Variants in DZIP1 observed in about 807,000 individuals in gnomAD.
DZIP1 encodes cilium assembly protein DZIP1.
In DZIP1, 97 loss-of-function variants were observed where a neutral mutation model predicts 107.6. The ratio of observed to expected loss-of-function variants is 0.90; its 90% confidence interval spans 0.77 to 1.07. The LOEUF is 1.07. Among genes scored for constraint, DZIP1 ranks in the 50% least tolerant of loss-of-function variants. DZIP1 has a pLI of 0.00. For synonymous variants in DZIP1, 390 were observed against 386.4 expected (o/e 1.01, Z -0.11); for missense variants, 1,035 against 1,063.6 (o/e 0.97, Z 0.37).
In DZIP1 at chr13:95,580,860, A is replaced by C. The variant is rs1311964677; in HGVS notation, c.*1374T>G. ...ATTCAGCCTTCACTAAAGCTTTTAG[A>C]AACATACATATAAAGTGAGTATATC... On this transcript the variant is annotated 3_prime_UTR_variant, in exon 23 of 23. Transcript: ENST00000376829. The C allele has an allele frequency of 6.6e-6, 1 of 152,214 alleles. No individual in the cohort carries two copies. Among genetic ancestry groups the C allele is most frequent in the Non-Finnish European group, 1.5e-5 (1 of 68,036 alleles). The allele number at this position is 152,214 out of a possible 1,614,324, so 9.4% of individuals were successfully genotyped here.
At chr13:95,628,869 G>A (rs145045056) in intron 7 of DZIP1, among the ~76,000 whole-genome samples, 2 of 152,160 alleles carry the variant, frequency 1.3e-5, no homozygotes, top group Non-Finnish European at 2.9e-5. Flanking sequence ...TGGAAGGAGG[G>A]GGGAGTGGAG....
At chr13:95,608,511 G>A (rs1347349729) in intron 13 of DZIP1, among the ~76,000 whole-genome samples, 1 of 148,954 alleles carries the variant, frequency 6.7e-6, no homozygotes, top group Non-Finnish European at 1.5e-5. Context: ...GCTGAAGATT[G>A]TTTGTTTGTT....
intron 14 of DZIP1, among the ~76,000 whole-genome samples, chr13:95,603,987 G>T (rs1397337113): frequency 1.3e-5 from 2 of 152,320 alleles, no homozygotes; most frequent in Non-Finnish European, 2.9e-5. Flanking sequence ...TGACAAATCA[G>T]TGCAAGGGGC....
At position 95,622,421 on chromosome 13, in the gene DZIP1, T is replaced by G. The variant is rs1427218871; in HGVS notation, c.1032A>C (p.Lys344Asn). 1 of 1,614,234 alleles carries G rather than the reference T, an allele frequency of 6.2e-7. No individual in the cohort carries two copies. Among genetic ancestry groups the G allele is most frequent in the East Asian group, 2.2e-5 (1 of 44,896 alleles). Residue 344 changes from lysine to asparagine, a missense_variant, in exon 9 of 23, where the codon AAA (lysine) becomes AAC (asparagine). By Grantham distance (94) the Lys-to-Asn change is moderately conservative. Coordinates refer to ENST00000376829, the MANE Select transcript of DZIP1 (RefSeq NM_198968.4). ...GGTCTTCTTTAAACTCGTGTGCATC[T>G]TTTAATGTGCCTATGTTGGACTTGA... ...MQIKSNIGTL[K>N]DAHEFKEDRS...
rs2044829423 is a variant in DZIP1, at chr13:95,607,750, G to A, written c.1421-1691C>T. Among the ~76,000 whole-genome samples, 3 of 152,032 alleles carry A rather than the reference G, an allele frequency of 2.0e-5. No homozygotes were observed. The South Asian group carries it at 6.2e-4, about 32-fold the overall frequency. ...AGCTTACAGAATCAAAAGATCTGAT[G>A]CTATTAAAATTGATCACAATTTGGT... On this transcript the variant is annotated intron_variant, in intron 13 of 22. Coordinates refer to ENST00000376829, the MANE Select transcript of DZIP1 (RefSeq NM_198968.4).
intron 9 of DZIP1, among the ~76,000 whole-genome samples, chr13:95,621,716 A>G (rs200820578): frequency 3.0e-3 from 184 of 60,746 alleles, no homozygotes; most frequent in South Asian, 5.3e-3. Context: ...GTGTGTGTGT[A>G]TTTATTTATT....
intron 10 of DZIP1, among the ~76,000 whole-genome samples, chr13:95,612,672 C>A (rs754523251): frequency 1.3e-5 from 2 of 152,052 alleles, no homozygotes; most frequent in Non-Finnish European, 2.9e-5. Flanking sequence ...GCAGCCTCTG[C>A]CTCCTGGCTT....
At chr13:95,591,638 C>A (rs1450156956) in intron 16 of DZIP1, among the ~76,000 whole-genome samples, 2 of 152,168 alleles carry the variant, frequency 1.3e-5, no homozygotes, top group African/African-American at 4.8e-5. Flanking sequence ...CCCTCCTCTA[C>A]TTTTCCTTTA....
At chr13:95,619,633 A>G (rs2139227593) in intron 10 of DZIP1, among the ~76,000 whole-genome samples, 1 of 152,258 alleles carries the variant, frequency 6.6e-6, no homozygotes, top group East Asian at 1.9e-4. Context: ...AATGGGAACA[A>G]CTTGACCAAA....
At chr13:95,600,908 A>T (rs969693746) in intron 14 of DZIP1, among the ~76,000 whole-genome samples, 1 of 152,198 alleles carries the variant, frequency 6.6e-6, no homozygotes, top group African/African-American at 2.4e-5. Context: ...CAAGATTTTT[A>T]AAAATTATAC....
In DZIP1 at chr13:95,581,497, A is replaced by G. The variant is rs2044012497; in HGVS notation, c.*737T>C. The G allele has an allele frequency of 6.6e-6, 1 of 152,258 alleles. No homozygotes were observed. Among genetic ancestry groups the G allele is most frequent in the South Asian group, 2.1e-4 (1 of 4,832 alleles). The allele number at this position is 152,258 out of a possible 1,614,324, so 9.4% of individuals were successfully genotyped here. ...AAATAACCAACCATTTAATAGTAAC[A>G]TGCTTACAGTGGCTCAAAGCTGAAT... On this transcript the variant is annotated 3_prime_UTR_variant, in exon 23 of 23. Transcript: ENST00000376829.
At chr13:95,637,968 C>T (rs1333295079) in intron 5 of DZIP1, among the ~76,000 whole-genome samples, 4 of 151,610 alleles carry the variant, frequency 2.6e-5, no homozygotes, top group African/African-American at 4.9e-5. Flanking sequence ...AGGATATAGT[C>T]AAACAGATTT....
intron 6 of DZIP1, among the ~76,000 whole-genome samples, chr13:95,631,177 C>T (rs912249142): frequency 3.9e-5 from 6 of 152,122 alleles, no homozygotes; most frequent in African/African-American, 1.2e-4. Context: ...AGAATGAGGT[C>T]GGGCACAGTG....
chr13:95,638,630 A>G (rs968869013), intron 5 of DZIP1, among the ~76,000 whole-genome samples: 2 of 109,396 alleles, frequency 1.8e-5, no homozygotes, highest in Non-Finnish European at 4.0e-5. Flanking sequence ...TACCCCCCTT[A>G]TACACAACAC....
At position 95,630,788 on chromosome 13, in the gene DZIP1, T is replaced by C. The variant is rs1364305028; in HGVS notation, c.686-675A>G. On this transcript the variant is annotated intron_variant, in intron 6 of 22. Coordinates refer to ENST00000376829, the MANE Select transcript of DZIP1 (RefSeq NM_198968.4). ...GACATGAAAGGTATGGAAACCAAAGTAGAAAGTCAGAATCTCAAAGATGAC... is the reference window on the plus strand; with the variant it reads ...GACATGAAAGGTATGGAAACCAAAGCAGAAAGTCAGAATCTCAAAGATGAC... The C allele has an allele frequency of 3.9e-6, 5 of 1,272,248 alleles. No individual in the cohort carries two copies. The Admixed American group carries it at 6.9e-5, about 18-fold the overall frequency. 78.8% of individuals were successfully genotyped at this position (1,272,248 alleles called of 1,614,324 possible).
intron 7 of DZIP1, among the ~76,000 whole-genome samples, chr13:95,626,768 T>C (rs1876589595): frequency 1.3e-5 from 2 of 152,226 alleles, no homozygotes; most frequent in Non-Finnish European, 2.9e-5. Flanking sequence ...CAATTCCATT[T>C]ATAATAGCAT....
At chr13:95,603,699 C>G (rs542711424) in intron 14 of DZIP1, among the ~76,000 whole-genome samples, 96 of 152,138 alleles carry the variant, frequency 6.3e-4, no homozygotes, top group African/African-American at 2.1e-3. Context: ...TGAGGTTTGT[C>G]CAGAAAAAAA....
In DZIP1 at chr13:95,612,032, C is replaced by T; in HGVS notation, c.1314+5G>A. 1 of 1,612,946 alleles carries T rather than the reference C, an allele frequency of 6.2e-7. No individual in the cohort carries two copies. Among genetic ancestry groups the T allele is most frequent in the Non-Finnish European group, 8.5e-7 (1 of 1,179,818 alleles). On this transcript the variant is annotated splice_donor_5th_base_variant and intron_variant, in intron 11 of 22. Transcript: ENST00000376829. The stretch of plus-strand genomic sequence containing the variant: ...AGCACGGTGCCACACTGCCGCCAGA[C>T]ATACCTGCTGTCTCTGAGTTATAAT...
intron 10 of DZIP1, among the ~76,000 whole-genome samples, chr13:95,612,983 G>A (rs941903149): frequency 1.3e-5 from 2 of 151,974 alleles, no homozygotes; most frequent in African/African-American, 4.8e-5. Flanking sequence ...CCGAGAAAAA[G>A]AGGGGGAATG....
Sources: gnomAD v4.1 joint callset for allele counts (sites outside exome capture counted in the v4.1 genomes callset) on GRCh38, gnomAD v4.1.1 for gene constraint, MANE v1.5 for transcripts, NCBI Gene and HGNC (gene_info 2026-07-23, HGNC 2026-07-21) for gene names.